Variants in FAM131C observed in about 807,000 individuals in gnomAD.
The protein encoded by FAM131C is family with sequence similarity 131 member C.
Under a neutral mutation model 29.8 loss-of-function variants are expected in FAM131C, and 14 were observed. The ratio of observed to expected loss-of-function variants is 0.47; its 90% CI spans 0.31 to 0.73. The LOEUF (loss-of-function observed/expected upper bound fraction) is 0.73. Ranked by LOEUF, FAM131C falls within the 30% of genes least tolerant of loss-of-function variation. The pLI, the probability that FAM131C is intolerant of heterozygous loss-of-function variation, is 0.05. For missense variants in FAM131C, 252 were observed against 383.8 expected, an observed-to-expected ratio of 0.66 and a Z score of 2.87; for synonymous variants, 86 against 157.8, an observed-to-expected ratio of 0.54 and a Z score of 3.41.
intron 1 of FAM131C, among the ~76,000 whole-genome samples, chr1:16,065,778 G>A (rs188512202): frequency 1.5e-4 from 23 of 152,204 alleles, no homozygotes; most frequent in Non-Finnish European, 2.2e-4. Flanking sequence ...TCCTCCTCTC[G>A]CTCCATTCCC....
chr1:16,068,114 G>T (rs1000983510), intron 1 of FAM131C, among the ~76,000 whole-genome samples: 1 of 152,240 alleles, frequency 6.6e-6, no homozygotes, highest in Non-Finnish European at 1.5e-5. Context: ...TGCAGCCGAT[G>T]CGGCCCCTCT....
intron 2 of FAM131C, 150 bp downstream of exon 2, chr1:16,063,371 G>C: frequency 1.5e-6 from 1 of 662,036 alleles, no homozygotes; most frequent in Non-Finnish European, 2.7e-6. Context: ...TCATGCTGCT[G>C]AATACCAGGC....
At chr1:16,065,744 C>T (rs575379424) in intron 1 of FAM131C, among the ~76,000 whole-genome samples, 1 of 152,310 alleles carries the variant, frequency 6.6e-6, no homozygotes, top group South Asian at 2.1e-4. Flanking sequence ...TGAGACCACC[C>T]CACTGCCTGG....
At chr1:16,067,510 C>T (rs1231190263) in intron 1 of FAM131C, among the ~76,000 whole-genome samples, 1 of 152,192 alleles carries the variant, frequency 6.6e-6, no homozygotes, top group Non-Finnish European at 1.5e-5. Context: ...CCTCCCCCAC[C>T]TCCTCTGTCC....
intron 1 of FAM131C, among the ~76,000 whole-genome samples, chr1:16,071,119 G>A (rs1339863612): frequency 2.0e-5 from 3 of 152,360 alleles, no homozygotes; most frequent in Admixed American, 6.5e-5. Flanking sequence ...CCTGGCCTAG[G>A]AGGCACTGAG....
chr1:16,061,331 G>A (rs1389838179), intron 4 of FAM131C, among the ~76,000 whole-genome samples: 2 of 152,124 alleles, frequency 1.3e-5, no homozygotes, highest in African/African-American at 2.4e-5. Context: ...AATGTGGGGA[G>A]GGAGGGCCCC....
chr1:16,060,802 G>C (rs1036143047), intron 4 of FAM131C, among the ~76,000 whole-genome samples: 2 of 152,192 alleles, frequency 1.3e-5, no homozygotes, highest in African/African-American at 4.8e-5. Context: ...GGAGGGCTCA[G>C]ATGTTCCTGT....
At chr1:16,066,469 C>G (rs769271251) in intron 1 of FAM131C, among the ~76,000 whole-genome samples, 1 of 152,354 alleles carries the variant, frequency 6.6e-6, no homozygotes, top group East Asian at 1.9e-4. Context: ...TGCTGTGTGA[C>G]CCTGAGCTAG....
chr1:16,065,063 T>TCCGCTGC (rs1404110813), intron 1 of FAM131C, among the ~76,000 whole-genome samples: 1 of 152,154 alleles, frequency 6.6e-6, no homozygotes, highest in Non-Finnish European at 1.5e-5. Flanking sequence ...CCTTCCTGTT[T>TCCGCTGC]CCGCTGCCCG....
Position 16,058,358 on chromosome 1 carries a change from C to G in FAM131C, c.*79G>C. ...GTCAAGGGATGCCCTGCCCTGGACC[C>G]CGGGGTCCAGATATGCCTGGGCTGC... is the stretch of plus-strand genomic sequence containing the variant. On this transcript the variant is annotated 3_prime_UTR_variant, in exon 7 of 7. Coordinates refer to ENST00000375662, the MANE Select transcript of FAM131C (RefSeq NM_182623.3). 2 of 1,377,606 alleles carry G rather than the reference C, an allele frequency of 1.5e-6. No homozygotes were observed. The highest frequency in any genetic ancestry group is 3.1e-5 in the South Asian group (2 of 64,088). The allele number at this position is 1,377,606 out of a possible 1,614,324, so 85.3% of individuals were successfully genotyped here.
intron 1 of FAM131C, among the ~76,000 whole-genome samples, chr1:16,066,962 C>A (rs1379744273): frequency 2.6e-5 from 4 of 152,206 alleles, no homozygotes; most frequent in African/African-American, 7.2e-5. Flanking sequence ...CCCTGGCCAT[C>A]CCCTGAAGCT....
intron 2 of FAM131C, 76 bp from the exon 3 acceptor site, chr1:16,062,610 TGGGTGG>T: frequency 3.7e-6 from 4 of 1,074,646 alleles, no homozygotes; most frequent in Non-Finnish European, 5.3e-6. Context: ...CCTGGGGCCC[TGGGTGG>T]GGGTGGGGGT....
At chr1:16,073,110 T>G (rs1296685667) in intron 1 of FAM131C, among the ~76,000 whole-genome samples, 1 of 151,994 alleles carries the variant, frequency 6.6e-6, no homozygotes, top group Admixed American at 6.5e-5. Flanking sequence ...CCAGAGCTGG[T>G]TCCCAGGCAC....
chr1:16,062,380 G>GCCCCCC lies in FAM131C; in HGVS notation c.174+113_174+118dup, dbSNP rs34673312. 7.4e-4 allele frequency: 640 copies of GCCCCCC among 859,718 alleles called. 18 individuals carry two copies. Among genetic ancestry groups the GCCCCCC allele is most frequent in the African/African-American group, 1.9e-3 (65 of 33,532 alleles). The allele number at this position is 859,718 out of a possible 1,614,324, so 53.3% of individuals were successfully genotyped here. A position where few individuals can be genotyped will look rare whatever the true frequency, so the allele number is the denominator to read the frequency against. On this transcript the variant is annotated intron_variant, in intron 3 of 6. Coordinates refer to ENST00000375662, the MANE Select transcript of FAM131C (RefSeq NM_182623.3). ...CAACCCCCACCCACTGTTTCATCAG[G>GCCCCCC]CCCCCCCCCCCCCCGCCCCAGGGCC... is the stretch of plus-strand genomic sequence containing the variant.
At chr1:16,068,445 G>A (rs1420295685) in intron 1 of FAM131C, among the ~76,000 whole-genome samples, 1 of 152,180 alleles carries the variant, frequency 6.6e-6, no homozygotes, top group Non-Finnish European at 1.5e-5. Flanking sequence ...GACACATCTT[G>A]GTCAGCCACT....
At chr1:16,060,127 C>G in intron 4 of FAM131C, 76 bp from the exon 5 acceptor site, 1 of 744,838 alleles carries the variant, frequency 1.3e-6, no homozygotes, top group Admixed American at 3.2e-5. Context: ...TGCCTCAGGC[C>G]CACCCAGTGG....
At chr1:16,066,957 G>A (rs1445227716) in intron 1 of FAM131C, among the ~76,000 whole-genome samples, 2 of 152,204 alleles carry the variant, frequency 1.3e-5, no homozygotes, top group African/African-American at 2.4e-5. Context: ...AGGACCCCTG[G>A]CCATCCCCTG....
At chr1:16,062,395 G>GGC in intron 3 of FAM131C, 104 bp downstream of exon 3, 1 of 640,688 alleles carries the variant, frequency 1.6e-6, no homozygotes, top group Non-Finnish European at 2.1e-6. Context: ...CCCCCCCCCC[G>GGC]CCCCAGGGCC....
chr1:16,069,847 G>A (rs1257079063), intron 1 of FAM131C, among the ~76,000 whole-genome samples: 1 of 152,056 alleles, frequency 6.6e-6, no homozygotes, highest in Non-Finnish European at 1.5e-5. Context: ...CTGCAGCTTC[G>A]ACCTCCTGGG....
Sources: gnomAD v4.1 joint callset for allele counts (sites outside exome capture counted in the v4.1 genomes callset) on GRCh38, gnomAD v4.1.1 for gene constraint, MANE v1.5 for transcripts, NCBI Gene and HGNC (gene_info 2026-07-23, HGNC 2026-07-21) for gene names.